Variants in PLEKHM3 observed in about 807,000 individuals in gnomAD.
PLEKHM3 encodes pleckstrin homology domain-containing family M member 3.
In PLEKHM3, 45 loss-of-function variants were observed where a neutral mutation model predicts 81.8. The ratio of observed to expected loss-of-function variants is 0.55; its 90% CI spans 0.43 to 0.71. The LOEUF is 0.71. Ranked by LOEUF, PLEKHM3 falls within the 30% of genes least tolerant of loss-of-function variation. PLEKHM3 has a pLI of 0.00. For missense variants in PLEKHM3, 788 were observed against 924.3 expected, an observed-to-expected ratio of 0.85 and a Z score of 1.91; for synonymous variants, 352 against 356.4, an observed-to-expected ratio of 0.99 and a Z score of 0.14.
At chr2:207,834,693 G>A (rs2092308396) in intron 7 of PLEKHM3, among the ~76,000 whole-genome samples, 1 of 151,946 alleles carries the variant, frequency 6.6e-6, no homozygotes. Context: ...CCAAAGTGCT[G>A]GGATTACAGG....
chr2:207,893,345 C>G (rs1023930), intron 6 of PLEKHM3, among the ~76,000 whole-genome samples: 34,575 of 152,128 alleles, frequency 0.23, 4,168 homozygotes, highest in Middle Eastern at 0.29. Flanking sequence ...CAGGGGAGGG[C>G]TGCTAATTCC....
At position 207,828,478 on chromosome 2, in the gene PLEKHM3, G is replaced by A. The variant is rs555174785; in HGVS notation, c.2127C>T (p.Ala709=). ...TTTCTTTGCATTCAGAATGGAAAAC[G>A]GCTCCACAGCTTTCACACCTGCAAA... The part of the protein sequence containing the change: ...ISTSRCESCG[A]VFHSECKEKS... The change falls in exon 8 of 8, where the codon GCC becomes GCT. Residue 709 remains alanine (A), a synonymous_variant. Coordinates refer to ENST00000427836, the MANE Select transcript of PLEKHM3 (RefSeq NM_001080475.3). 5 of 1,613,878 alleles carry A rather than the reference G, an allele frequency of 3.1e-6. No homozygotes were observed. The highest frequency in any genetic ancestry group is 2.2e-5 in the South Asian group (2 of 91,048).
At chr2:207,853,362 A>C (rs1201543337) in intron 7 of PLEKHM3, among the ~76,000 whole-genome samples, 1 of 151,196 alleles carries the variant, frequency 6.6e-6, no homozygotes, top group Non-Finnish European at 1.5e-5. Context: ...GGTTGCAGTG[A>C]GCTGAGATCA....
chr2:207,875,268 A>G (rs1490656513), intron 6 of PLEKHM3, among the ~76,000 whole-genome samples: 2 of 152,204 alleles, frequency 1.3e-5, no homozygotes, highest in Non-Finnish European at 2.9e-5. Context: ...ATTCAGAAAA[A>G]CTACAAATGG....
Position 207,880,563 on chromosome 2 carries a change from A to G in PLEKHM3, c.1951-19301T>C, listed in dbSNP as rs191858498. Among the ~76,000 whole-genome samples the G allele has an allele frequency of 3.8e-3, 575 of 150,560 alleles. 8 individuals carry two copies. Among genetic ancestry groups the G allele is most frequent in the African/African-American group, 0.012 (479 of 41,140 alleles). On this transcript the variant is annotated intron_variant, in intron 6 of 7. Transcript: ENST00000427836. Reference sequence around the variant, plus strand: ...CGGATCACGAGGTCAGGAGATCGAGACCATCTTGGCTAACACGGTGAAACC... The same window carrying G: ...CGGATCACGAGGTCAGGAGATCGAGGCCATCTTGGCTAACACGGTGAAACC...
At chr2:207,838,572 G>A (rs1405042702) in intron 7 of PLEKHM3, among the ~76,000 whole-genome samples, 1 of 152,186 alleles carries the variant, frequency 6.6e-6, no homozygotes, top group African/African-American at 2.4e-5. Flanking sequence ...CTTGTGGATG[G>A]TGACTGAACT....
chr2:207,883,565 T>C (rs2105856238), intron 6 of PLEKHM3, among the ~76,000 whole-genome samples: 1 of 152,330 alleles, frequency 6.6e-6, no homozygotes, highest in South Asian at 2.1e-4. Context: ...ATAGTGAGCA[T>C]TGAGCATTTT....
chr2:207,907,904 C>G (rs1688666591), intron 6 of PLEKHM3, among the ~76,000 whole-genome samples: 1 of 152,152 alleles, frequency 6.6e-6, no homozygotes, highest in South Asian at 2.1e-4. Context: ...ATGGATTTGC[C>G]TATTCTAAAC....
intron 5 of PLEKHM3, among the ~76,000 whole-genome samples, chr2:207,919,170 A>G (rs1689100638): frequency 6.6e-6 from 1 of 152,192 alleles, no homozygotes; most frequent in Non-Finnish European, 1.5e-5. Context: ...GAAAAAAGGA[A>G]GCAATCTCAG....
intron 3 of PLEKHM3, among the ~76,000 whole-genome samples, chr2:207,969,909 G>A (rs1057468715): frequency 3.3e-5 from 5 of 152,064 alleles, no homozygotes; most frequent in African/African-American, 1.2e-4. Context: ...AGGAATTTAA[G>A]ATAAAATCTT....
At chr2:207,901,543 T>C (rs936294445) in intron 6 of PLEKHM3, among the ~76,000 whole-genome samples, 1 of 152,186 alleles carries the variant, frequency 6.6e-6, no homozygotes, top group African/African-American at 2.4e-5. Flanking sequence ...CTGTACGATG[T>C]GAAACACACT....
At chr2:207,842,942 A>T (rs929949506) in intron 7 of PLEKHM3, among the ~76,000 whole-genome samples, 9 of 152,110 alleles carry the variant, frequency 5.9e-5, no homozygotes, top group Non-Finnish European at 8.8e-5. Context: ...GCTAAGTAAG[A>T]ACTAAGCTTT....
intron 6 of PLEKHM3, among the ~76,000 whole-genome samples, chr2:207,904,252 T>C (rs2105894726): frequency 6.6e-6 from 1 of 152,308 alleles, no homozygotes. Context: ...TGAATATGTT[T>C]TTCTAACAAT....
intron 6 of PLEKHM3, chr2:207,868,849 A>G (rs985256850): frequency 6.6e-6 from 1 of 152,174 alleles, no homozygotes; most frequent in Non-Finnish European, 1.5e-5. Context: ...AAATTAATGT[A>G]AAGCAGTCAC....
intron 2 of PLEKHM3, among the ~76,000 whole-genome samples, chr2:207,995,624 C>T (rs1379665795): frequency 6.6e-6 from 1 of 152,138 alleles, no homozygotes; most frequent in Non-Finnish European, 1.5e-5. Context: ...ATCCTTAAAA[C>T]GGGACCAATG....
At chr2:207,849,350 G>A (rs1426169607) in intron 7 of PLEKHM3, among the ~76,000 whole-genome samples, 2 of 152,034 alleles carry the variant, frequency 1.3e-5, no homozygotes, top group Non-Finnish European at 2.9e-5. Context: ...AAAGTGTACA[G>A]ACTAGATGTA....
intron 2 of PLEKHM3, among the ~76,000 whole-genome samples, chr2:207,987,993 A>G (rs1691782384): frequency 6.6e-6 from 1 of 152,232 alleles, no homozygotes; most frequent in African/African-American, 2.4e-5. Context: ...TTTCTTGAGC[A>G]AGAGATAGAA....
At chr2:207,846,616 G>A (rs556887220) in intron 7 of PLEKHM3, among the ~76,000 whole-genome samples, 14 of 152,006 alleles carry the variant, frequency 9.2e-5, no homozygotes, top group South Asian at 2.1e-4. Context: ...CCAGCTACTC[G>A]GCAGGCTGAG....
intron 6 of PLEKHM3, among the ~76,000 whole-genome samples, chr2:207,884,524 A>G (rs1687824124): frequency 1.3e-5 from 2 of 152,230 alleles, no homozygotes; most frequent in Non-Finnish European, 2.9e-5. Flanking sequence ...ATATCCATGT[A>G]TATTGCTTCT....
Sources: gnomAD v4.1 joint callset for allele counts (sites outside exome capture counted in the v4.1 genomes callset) on GRCh38, gnomAD v4.1.1 for gene constraint, MANE v1.5 for transcripts, NCBI Gene and HGNC (gene_info 2026-07-23, HGNC 2026-07-21) for gene names.